The following ZNF609 variants were observed in gnomAD, a reference collection of about 807,000 sequenced individuals.
ZNF609 encodes zinc finger protein 609.
A neutral mutation model predicts 109.5 loss-of-function variants in ZNF609; 11 were observed. The observed-to-expected ratio is 0.10, with a 90% CI of 0.06 to 0.17. The LOEUF (loss-of-function observed/expected upper bound fraction) is 0.17, where lower values mean the gene tolerates loss of function less well. ZNF609 is among the 10% of genes least tolerant of loss of function. ZNF609 has a pLI of 1.00. For synonymous variants in ZNF609, 646 were observed against 662.0 expected, an observed-to-expected ratio of 0.98 and a Z score of 0.37; for missense variants, 1,559 against 1,772.4, an observed-to-expected ratio of 0.88 and a Z score of 2.16.
At position 64,630,092 on chromosome 15, in the gene ZNF609, T is replaced by C. The variant is rs368896635; in HGVS notation, c.973+7040T>C. Reference sequence around the variant, plus strand: ...CTACATTACCATCCTCCTAATTTTCTTTTTTCTTTTTTTTTTTTTTTTTGA... The same window carrying C: ...CTACATTACCATCCTCCTAATTTTCCTTTTTCTTTTTTTTTTTTTTTTTGA... On this transcript the variant is annotated intron_variant, in intron 3 of 9. Coordinates refer to ENST00000326648, the MANE Select transcript of ZNF609 (RefSeq NM_015042.2). Among the ~76,000 whole-genome samples, 53 of 129,920 alleles carry C rather than the reference T, an allele frequency of 4.1e-4. No individual in the cohort carries two copies. In the East Asian group the frequency reaches 8.7e-3, roughly 21 times the overall value. 85.2% of individuals were successfully genotyped at this position (129,920 alleles called of 152,430 possible). A position where few individuals can be genotyped will look rare whatever the true frequency, so the allele number is the denominator to read the frequency against.
At chr15:64,547,406 A>C (rs1333881412) in intron 2 of ZNF609, among the ~76,000 whole-genome samples, 1 of 152,236 alleles carries the variant, frequency 6.6e-6, no homozygotes, top group Non-Finnish European at 1.5e-5. Context: ...GGATGACATA[A>C]TTGAAGTAAA....
At chr15:64,616,836 T>TTTG (rs1895806593) in intron 2 of ZNF609, among the ~76,000 whole-genome samples, 1 of 137,112 alleles carries the variant, frequency 7.3e-6, no homozygotes, top group Non-Finnish European at 1.6e-5. Flanking sequence ...TTTTTTTTTT[T>TTTG]TGCACTCTGT....
intron 2 of ZNF609, among the ~76,000 whole-genome samples, chr15:64,614,135 A>G (rs1001134450): frequency 2.7e-5 from 4 of 148,578 alleles, no homozygotes; most frequent in Admixed American, 6.8e-5. Flanking sequence ...TGGCCGGGCT[A>G]CTCTCGAACT....
chr15:64,606,644 C>T (rs989561988), intron 2 of ZNF609, among the ~76,000 whole-genome samples: 1 of 151,766 alleles, frequency 6.6e-6, no homozygotes, highest in African/African-American at 2.4e-5. Context: ...TTCCTGAGTT[C>T]AAGCAGTCCT....
intron 2 of ZNF609, among the ~76,000 whole-genome samples, chr15:64,525,980 G>A (rs1893962728): frequency 6.6e-6 from 1 of 151,816 alleles, no homozygotes; most frequent in Non-Finnish European, 1.5e-5. Context: ...AGTAGAGCTC[G>A]GGTTTCACCA....
At chr15:64,544,960 A>G (rs551738792) in intron 2 of ZNF609, among the ~76,000 whole-genome samples, 22 of 152,308 alleles carry the variant, frequency 1.4e-4, no homozygotes, top group South Asian at 1.2e-3. Context: ...CCAGAAAGCA[A>G]TGGTTTCCCT....
At chr15:64,603,635 T>C (rs1276348109) in intron 2 of ZNF609, among the ~76,000 whole-genome samples, 1 of 151,842 alleles carries the variant, frequency 6.6e-6, no homozygotes. Context: ...TATGCCAAAC[T>C]ATTGTGGCCT....
chr15:64,562,163 T>G (rs1894691621), intron 2 of ZNF609, among the ~76,000 whole-genome samples: 1 of 152,230 alleles, frequency 6.6e-6, no homozygotes, highest in South Asian at 2.1e-4. Flanking sequence ...TTCATTCTCT[T>G]AAGTACAAGC....
At chr15:64,540,686 G>C (rs571981771) in intron 2 of ZNF609, among the ~76,000 whole-genome samples, 3 of 151,854 alleles carry the variant, frequency 2.0e-5, no homozygotes, top group Admixed American at 2.0e-4. Context: ...TTACAGGTGT[G>C]AGATACCGTG....
chr15:64,637,404 T>C (rs957413736), intron 3 of ZNF609, among the ~76,000 whole-genome samples: 7 of 152,314 alleles, frequency 4.6e-5, no homozygotes, highest in Admixed American at 2.6e-4. Flanking sequence ...TATCTATACT[T>C]AGAAATGGAA....
At chr15:64,473,731 A>G (rs1056640595) in intron 1 of ZNF609, among the ~76,000 whole-genome samples, 12 of 151,694 alleles carry the variant, frequency 7.9e-5, no homozygotes, top group Admixed American at 7.2e-4. Flanking sequence ...TCAGCCTCCC[A>G]AAGAGCTGCG....
chr15:64,479,793 C>T (rs1484440331), intron 1 of ZNF609, among the ~76,000 whole-genome samples: 2 of 151,828 alleles, frequency 1.3e-5, no homozygotes, highest in African/African-American at 4.8e-5. Flanking sequence ...GTGGTGCACA[C>T]CTGTAATCCC....
chr15:64,473,098 G>C (rs912217220), intron 1 of ZNF609, among the ~76,000 whole-genome samples: 1 of 150,078 alleles, frequency 6.7e-6, no homozygotes, highest in Non-Finnish European at 1.5e-5. Context: ...TGTACTTCCC[G>C]TTCATAATTT....
intron 2 of ZNF609, among the ~76,000 whole-genome samples, chr15:64,586,009 C>T (rs1407950066): frequency 6.6e-6 from 1 of 151,956 alleles, no homozygotes; most frequent in Non-Finnish European, 1.5e-5. Flanking sequence ...CCATACCTGG[C>T]TAATTGTTAT....
intron 2 of ZNF609, chr15:64,529,809 C>G (rs553714541): frequency 1.3e-5 from 6 of 447,804 alleles, no homozygotes; most frequent in African/African-American, 1.0e-4. Flanking sequence ...CGGCTCACCA[C>G]AACCTCTGCC....
chr15:64,646,634 C>CAAAAAAA (rs1180524819), intron 3 of ZNF609, among the ~76,000 whole-genome samples: 3 of 30,704 alleles, frequency 9.8e-5, no homozygotes, highest in African/African-American at 4.2e-4. Context: ...GACTCCATCT[C>CAAAAAAA]AAAAAAAAAA....
At position 64,617,232 on chromosome 15, in the gene ZNF609, G is replaced by A. The variant is rs1895814185; in HGVS notation, c.748-5595G>A. ...AGACAAAATTTCACTGTATTGCCCA[G>A]GCTAGTCTCAAACTCCTGGACTCAA... is the stretch of plus-strand genomic sequence containing the variant. On this transcript the variant is annotated intron_variant, in intron 2 of 9. Transcript: ENST00000326648. Among the ~76,000 whole-genome samples, 3 of 151,604 alleles carry A rather than the reference G, an allele frequency of 2.0e-5. No individual in the cohort carries two copies. In the South Asian group the frequency reaches 6.2e-4, roughly 32 times the overall value.
rs866041826 is a variant in ZNF609, at chr15:64,613,843, T to C, written c.748-8984T>C. On this transcript the variant is annotated intron_variant, in intron 2 of 9. Transcript: ENST00000326648. ...GATTACAGGCGTGAGCCACTCCGCC[T>C]GGCCTAAACTTGTTTATTGAATGGA... is the stretch of plus-strand genomic sequence containing the variant. Among the ~76,000 whole-genome samples, 14 of 150,378 alleles carry C rather than the reference T, an allele frequency of 9.3e-5. No homozygotes were observed. In the Middle Eastern group the frequency reaches 0.011, roughly 120 times the overall value.
intron 2 of ZNF609, among the ~76,000 whole-genome samples, chr15:64,612,171 G>T (rs775491806): frequency 2.7e-5 from 4 of 148,014 alleles, no homozygotes. Flanking sequence ...TTTTTGAGAC[G>T]GAATTCCCCT....
Sources: allele counts gnomAD v4.1 joint callset (sites outside exome capture counted in the v4.1 genomes callset), GRCh38; gene constraint gnomAD v4.1.1; transcripts MANE v1.5; gene names NCBI Gene and HGNC (gene_info 2026-07-23, HGNC 2026-07-21).